The following COL11A1 variants were observed in gnomAD, a reference collection of about 807,000 sequenced individuals.
COL11A1 encodes the protein collagen alpha-1(XI) chain.
In COL11A1, 74 loss-of-function variants were observed where a neutral mutation model predicts 265.2. The ratio of observed to expected loss-of-function variants is 0.28; its 90% CI spans 0.23 to 0.34. The LOEUF (loss-of-function observed/expected upper bound fraction) is 0.34. Ranked by LOEUF, COL11A1 falls within the 10% of genes least tolerant of loss-of-function variation. The pLI is 1.00. For synonymous variants in COL11A1, 816 were observed against 727.6 expected, an observed-to-expected ratio of 1.12 and a Z score of -1.96; for missense variants, 2,165 against 2,263.6, an observed-to-expected ratio of 0.96 and a Z score of 0.88.
intron 48 of COL11A1, among the ~76,000 whole-genome samples, chr1:102,920,843 C>G (rs1268024668): frequency 6.6e-6 from 1 of 152,072 alleles, no homozygotes; most frequent in Non-Finnish European, 1.5e-5. Flanking sequence ...CAGTTCTGGC[C>G]TGCCAGAATT....
Position 103,074,791 on chromosome 1 carries a change from C to G in COL11A1, c.489-11G>C, listed in dbSNP as rs779661152. ...GCTACCCGATGCCACCTAAAAAAGA[C>G]AAGTAATTCTTTTGTAAGCTTCAAA... On this transcript the variant is annotated splice_polypyrimidine_tract_variant and intron_variant, in intron 3 of 66. Coordinates refer to ENST00000370096, the MANE Select transcript of COL11A1 (RefSeq NM_001854.4). 2.5e-6 allele frequency: 4 copies of G among 1,612,574 alleles called. No homozygotes were observed. Among genetic ancestry groups the G allele is most frequent in the Non-Finnish European group, 3.4e-6 (4 of 1,179,256 alleles).
At chr1:103,093,638 C>T (rs1311756210) in intron 1 of COL11A1, among the ~76,000 whole-genome samples, 3 of 152,152 alleles carry the variant, frequency 2.0e-5, no homozygotes, top group East Asian at 1.9e-4. Context: ...GGTAGTACAA[C>T]AAGAAGGCTT....
intron 54 of COL11A1, among the ~76,000 whole-genome samples, chr1:102,910,028 T>A (rs1469614740): frequency 6.6e-6 from 1 of 152,034 alleles, no homozygotes; most frequent in Non-Finnish European, 1.5e-5. Flanking sequence ...TCAAAATAGC[T>A]TCACACAACA....
chr1:102,995,325 T>C (rs1664521409), intron 28 of COL11A1, among the ~76,000 whole-genome samples: 1 of 152,152 alleles, frequency 6.6e-6, no homozygotes, highest in Non-Finnish European at 1.5e-5. Context: ...TTTAGGTACA[T>C]TTTTTCATTC....
chr1:103,074,600 A>G lies in COL11A1; in HGVS notation c.651+18T>C. On this transcript the variant is annotated intron_variant, in intron 4 of 66. Coordinates refer to ENST00000370096, the MANE Select transcript of COL11A1 (RefSeq NM_001854.4). The stretch of plus-strand genomic sequence containing the variant: ...TCTGATTTGTCAATATTCAGCTTAG[A>G]GTTGGATTTATTTTTACCTCAAAAA... The G allele has an allele frequency of 1.1e-5, 17 of 1,612,012 alleles. No individual in the cohort carries two copies. Among genetic ancestry groups the G allele is most frequent in the Non-Finnish European group, 1.4e-5 (17 of 1,178,780 alleles).
chr1:102,882,735 T>C (rs1350094554), intron 64 of COL11A1, among the ~76,000 whole-genome samples: 1 of 152,174 alleles, frequency 6.6e-6, no homozygotes. Context: ...CTGGTAATAA[T>C]GTTAGGTAAA....
intron 41 of COL11A1, among the ~76,000 whole-genome samples, chr1:102,959,253 G>T (rs151179830): frequency 6.6e-6 from 1 of 152,308 alleles, no homozygotes; most frequent in Non-Finnish European, 1.5e-5. Flanking sequence ...ATTATATGTT[G>T]TATTAGTGAT....
chr1:102,921,542 G>T lies in COL11A1; in HGVS notation c.3684C>A (p.Gly1228=). 1 of 1,613,230 alleles carries T rather than the reference G, an allele frequency of 6.2e-7. No individual in the cohort carries two copies. The highest frequency in any genetic ancestry group is 8.5e-7 in the Non-Finnish European group (1 of 1,179,506). The change falls in exon 48 of 67, where the codon GGC becomes GGA. Residue 1228 remains glycine (G), a synonymous_variant. Coordinates refer to ENST00000370096, the MANE Select transcript of COL11A1 (RefSeq NM_001854.4). ...MGPPGPPGPR[G]PQGPNGADGP... ...CATCAGCTCCATTGGGACCTTGAGG[G>T]CCTCTTGGGCCTGGAGGACCAGGTG...
chr1:103,020,804 A>G (rs1666985410), intron 9 of COL11A1, among the ~76,000 whole-genome samples: 1 of 133,812 alleles, frequency 7.5e-6, no homozygotes, highest in Non-Finnish European at 1.6e-5. Context: ...AGCTTTCTAT[A>G]TATGGCTAGC....
At chr1:103,036,736 A>G (rs2102024178) in intron 4 of COL11A1, among the ~76,000 whole-genome samples, 1 of 152,192 alleles carries the variant, frequency 6.6e-6, no homozygotes, top group South Asian at 2.1e-4. Flanking sequence ...CAATAGTGCC[A>G]TAAAAATTTT....
At chr1:102,902,467 A>G (rs1176345282) in intron 54 of COL11A1, among the ~76,000 whole-genome samples, 5 of 152,148 alleles carry the variant, frequency 3.3e-5, no homozygotes, top group African/African-American at 1.2e-4. Flanking sequence ...AATTAGAACA[A>G]TTTTCCCAAA....
intron 7 of COL11A1, among the ~76,000 whole-genome samples, chr1:103,023,695 TGA>T (rs1667289064): frequency 6.6e-6 from 1 of 152,170 alleles, no homozygotes; most frequent in African/African-American, 2.4e-5. Flanking sequence ...AACATCATTA[TGA>T]AATACATTTG....
chr1:103,103,493 A>T (rs910097500), intron 1 of COL11A1, among the ~76,000 whole-genome samples: 1 of 151,984 alleles, frequency 6.6e-6, no homozygotes, highest in South Asian at 2.1e-4. Context: ...AATACAAATG[A>T]TCAAAAATTA....
At chr1:102,913,447 T>G (rs932765955) in intron 53 of COL11A1, among the ~76,000 whole-genome samples, 190 bp downstream of exon 53, 5 of 152,166 alleles carry the variant, frequency 3.3e-5, no homozygotes, top group Non-Finnish European at 5.9e-5. Flanking sequence ...TTTATTAATT[T>G]ACATCAAATA....
intron 1 of COL11A1, among the ~76,000 whole-genome samples, chr1:103,085,536 TTTTC>T (rs1405516040): frequency 6.6e-6 from 1 of 152,148 alleles, no homozygotes; most frequent in Non-Finnish European, 1.5e-5. Flanking sequence ...GACTTTTTTT[TTTTC>T]TTATCAACAT....
At chr1:103,040,474 A>C (rs1668723175) in intron 4 of COL11A1, among the ~76,000 whole-genome samples, 1 of 151,596 alleles carries the variant, frequency 6.6e-6, no homozygotes, top group South Asian at 2.1e-4. Context: ...TGATTTAAGG[A>C]AACTCTTATG....
At chr1:103,003,301 A>T (rs751975657) in intron 20 of COL11A1, 33 bp from the exon 21 acceptor site, 7 of 1,369,718 alleles carry the variant, frequency 5.1e-6, no homozygotes, top group Non-Finnish European at 7.0e-6. Flanking sequence ...GCCTTTATTA[A>T]AAAAAAAAAA....
intron 56 of COL11A1, 62 bp downstream of exon 56, chr1:102,898,604 A>G: frequency 2.1e-6 from 3 of 1,410,674 alleles, no homozygotes; most frequent in Non-Finnish European, 3.0e-6. Context: ...ACCTTCATTC[A>G]AAATTTTTTT....
At chr1:102,932,739 TAG>T (rs1657629785) in intron 46 of COL11A1, among the ~76,000 whole-genome samples, 3 of 151,128 alleles carry the variant, frequency 2.0e-5, no homozygotes. Flanking sequence ...CAATCAGACG[TAG>T]ATTTGGTCTT....
Sources: gnomAD v4.1 joint callset for allele counts (sites outside exome capture counted in the v4.1 genomes callset) on GRCh38, gnomAD v4.1.1 for gene constraint, MANE v1.5 for transcripts, NCBI Gene and HGNC (gene_info 2026-07-23, HGNC 2026-07-21) for gene names.